The following CSTPP1 variants were observed in gnomAD, a reference collection of about 807,000 sequenced individuals.
CSTPP1 encodes the protein centriolar satellite-associated tubulin polyglutamylase complex regulator 1, also known as UPF0705 protein C11orf49.
chr11:47,106,922 A>G, the CSTPP1 span, among the ~76,000 whole-genome samples: 3 of 152,128 alleles, frequency 2.0e-5, no homozygotes, highest in African/African-American at 7.2e-5. Context: ...CACAGTTCTC[A>G]TTTGAGCCTG....
At chr11:47,069,753 G>C in the CSTPP1 span, among the ~76,000 whole-genome samples, 1 of 151,952 alleles carries the variant, frequency 6.6e-6, no homozygotes, top group Non-Finnish European at 1.5e-5. Context: ...CTGTAGCCCA[G>C]GTTGGAGTGC....
chr11:47,147,842 T>C, the CSTPP1 span, among the ~76,000 whole-genome samples: 16 of 152,230 alleles, frequency 1.1e-4, no homozygotes, highest in African/African-American at 3.9e-4. Flanking sequence ...ATAGGATTAA[T>C]ACGAGCAGAA....
the CSTPP1 span, among the ~76,000 whole-genome samples, chr11:47,112,261 A>G: frequency 6.6e-6 from 1 of 152,074 alleles, no homozygotes; most frequent in African/African-American, 2.4e-5. Flanking sequence ...TTTTTCCATT[A>G]TATTTATCAC....
chr11:46,943,505 C>T, the CSTPP1 span, among the ~76,000 whole-genome samples: 1 of 152,210 alleles, frequency 6.6e-6, no homozygotes, highest in South Asian at 2.1e-4. Flanking sequence ...TTTAACATTT[C>T]TGCCATGAGG....
At chr11:47,154,232 T>C in the CSTPP1 span, among the ~76,000 whole-genome samples, 1 of 152,076 alleles carries the variant, frequency 6.6e-6, no homozygotes, top group East Asian at 1.9e-4. Context: ...CCACCGCGCC[T>C]GGCCAAAAAC....
chr11:47,079,548 G>C, the CSTPP1 span, among the ~76,000 whole-genome samples: 1 of 152,104 alleles, frequency 6.6e-6, no homozygotes, highest in Non-Finnish European at 1.5e-5. Context: ...GCTCATTGTA[G>C]AAATGTAGTA....
the CSTPP1 span, among the ~76,000 whole-genome samples, chr11:47,115,935 GCTTTCTCTTGTGGGC>G: frequency 6.6e-6 from 1 of 152,078 alleles, no homozygotes; most frequent in East Asian, 1.9e-4. Context: ...GATCTTTCCT[GCTTTCTCTTGTGGGC>G]ATTTAATGCT....
chr11:47,122,090 AAATATATATAT>A, the CSTPP1 span, among the ~76,000 whole-genome samples: 3 of 91,254 alleles, frequency 3.3e-5, no homozygotes, highest in East Asian at 5.3e-4. Flanking sequence ...AAAAAAAAAA[AAATATATATAT>A]ATATATATAT....
chr11:47,095,430 A>ACCCTTTTTTTCTT, the CSTPP1 span, among the ~76,000 whole-genome samples: 1 of 152,148 alleles, frequency 6.6e-6, no homozygotes, highest in African/African-American at 2.4e-5. Flanking sequence ...GACTTGAAAC[A>ACCCTTTTTTTCTT]CCCTTTTTTT....
chr11:46,974,468 A>G, the CSTPP1 span, among the ~76,000 whole-genome samples: 17 of 149,260 alleles, frequency 1.1e-4, no homozygotes, highest in Non-Finnish European at 1.9e-4. Flanking sequence ...CAGAGGTTGC[A>G]GTGAGCAGAG....
At chr11:46,938,782 T>TC in the CSTPP1 span, among the ~76,000 whole-genome samples, 18 of 146,006 alleles carry the variant, frequency 1.2e-4, no homozygotes, top group Non-Finnish European at 2.1e-4. Context: ...TTCTTCTTCT[T>TC]TTTTTTTTTT....
At chr11:47,016,254 C>T in the CSTPP1 span, among the ~76,000 whole-genome samples, 3 of 151,982 alleles carry the variant, frequency 2.0e-5, no homozygotes, top group Admixed American at 1.3e-4. Context: ...AACAGGGCAA[C>T]GATTTCCATT....
chr11:47,050,775 A>G, the CSTPP1 span, among the ~76,000 whole-genome samples: 1 of 152,176 alleles, frequency 6.6e-6, no homozygotes, highest in Non-Finnish European at 1.5e-5. Flanking sequence ...TCCTTTCCTT[A>G]AGACAATAGC....
the CSTPP1 span, among the ~76,000 whole-genome samples, chr11:47,081,692 G>A: frequency 6.6e-6 from 1 of 152,116 alleles, no homozygotes; most frequent in African/African-American, 2.4e-5. Flanking sequence ...ATCTACATTG[G>A]GGAGAGCATT....
the CSTPP1 span, among the ~76,000 whole-genome samples, chr11:47,151,952 A>G: frequency 1.3e-5 from 2 of 152,028 alleles, no homozygotes; most frequent in Non-Finnish European, 2.9e-5. Flanking sequence ...ATAAAATTTA[A>G]TTAATGTAGT....
At chr11:46,956,159 T>C in the CSTPP1 span, among the ~76,000 whole-genome samples, 1 of 152,238 alleles carries the variant, frequency 6.6e-6, no homozygotes, top group East Asian at 1.9e-4. Flanking sequence ...AAGTTTTCTT[T>C]TGGGGGTGAA....
chr11:47,098,395 G>A, the CSTPP1 span, among the ~76,000 whole-genome samples: 1 of 151,894 alleles, frequency 6.6e-6, no homozygotes, highest in Admixed American at 6.6e-5. Flanking sequence ...CTACTCTGGG[G>A]AGAAGGCCTC....
the CSTPP1 span, among the ~76,000 whole-genome samples, chr11:47,114,836 T>G: frequency 6.6e-6 from 1 of 152,218 alleles, no homozygotes; most frequent in Non-Finnish European, 1.5e-5. Context: ...TTCTCTTGCC[T>G]GATTGCCCTG....
At chr11:47,029,657 T>C in the CSTPP1 span, among the ~76,000 whole-genome samples, 1 of 151,304 alleles carries the variant, frequency 6.6e-6, no homozygotes, top group African/African-American at 2.4e-5. Flanking sequence ...TTTCCCAAGA[T>C]GTTTTGGATC....
Sources: allele counts gnomAD v4.1 joint callset (sites outside exome capture counted in the v4.1 genomes callset), GRCh38; gene constraint gnomAD v4.1.1; transcripts MANE v1.5; gene names NCBI Gene and HGNC (gene_info 2026-07-23, HGNC 2026-07-21).